ADGRL3: variants seen among roughly 807,000 people sequenced by gnomAD.
The protein encoded by ADGRL3 is adhesion G protein-coupled receptor L3.
In ADGRL3, 62 loss-of-function variants were observed where a neutral mutation model predicts 153.5. The observed-to-expected ratio is 0.40, with a 90% confidence interval of 0.33 to 0.50. The LOEUF (loss-of-function observed/expected upper bound fraction) is 0.50, where lower values mean the gene tolerates loss of function less well. ADGRL3 is among the 20% of genes least tolerant of loss of function. The pLI, the probability that ADGRL3 is intolerant of heterozygous loss-of-function variation, is 0.47. For missense variants in ADGRL3, 1,641 were observed against 1,859.4 expected (o/e 0.88, Z 2.16); for synonymous variants, 710 against 672.5 (o/e 1.06, Z -0.86).
intron 6 of ADGRL3, among the ~76,000 whole-genome samples, chr4:61,707,172 G>A (rs1044024612): frequency 1.5e-4 from 23 of 152,256 alleles, no homozygotes; most frequent in African/African-American, 4.3e-4. Flanking sequence ...GGCATGGTTC[G>A]TGGTCCCCAA....
At chr4:61,664,115 C>CT (rs1378171090) in intron 5 of ADGRL3, among the ~76,000 whole-genome samples, 2 of 152,052 alleles carry the variant, frequency 1.3e-5, no homozygotes, top group African/African-American at 4.8e-5. Flanking sequence ...CACAGTATCC[C>CT]TAAAAAGAGG....
At position 61,772,520 on chromosome 4, in the gene ADGRL3, G is replaced by T. The variant is rs1017429257; in HGVS notation, c.1399+38966G>T. ...TACACGACATGAGAGACTTCCTAAG[G>T]AAATGAAGACCCCCCAAAATGGTTA... On this transcript the variant is annotated intron_variant, in intron 8 of 26. Coordinates refer to ENST00000683033, the MANE Select transcript of ADGRL3 (RefSeq NM_001387552.1). Among the ~76,000 whole-genome samples, 3 of 152,228 alleles carry T rather than the reference G, an allele frequency of 2.0e-5. No individual in the cohort carries two copies. In the East Asian group the frequency reaches 5.8e-4, roughly 29 times the overall value.
chr4:61,337,089 T>C (rs1413411607), intron 1 of ADGRL3, among the ~76,000 whole-genome samples: 1 of 152,018 alleles, frequency 6.6e-6, no homozygotes, highest in Non-Finnish European at 1.5e-5. Context: ...GCCTGGCAGG[T>C]GGCCACATTG....
In ADGRL3 at chr4:61,998,227, T is replaced by C; in HGVS notation, c.3357T>C (p.Ala1119=). Residue 1119 remains alanine, a synonymous_variant, in exon 21 of 27, where the codon GCT becomes GCC. Coordinates refer to ENST00000683033, the MANE Select transcript of ADGRL3 (RefSeq NM_001387552.1). ...IALYKMFHHT[A]ILKPESGCLD... is the part of the protein sequence containing the mutation. ...TATATAAAATGTTTCATCATACTGC[T>C]ATACTGAAACCTGAATCAGGCTGTC... 1 of 1,588,126 alleles carries C rather than the reference T, an allele frequency of 6.3e-7. No individual in the cohort carries two copies. The highest frequency in any genetic ancestry group is 8.6e-7 in the Non-Finnish European group (1 of 1,168,840).
At chr4:61,337,097 T>C (rs2095693960) in intron 1 of ADGRL3, among the ~76,000 whole-genome samples, 1 of 152,034 alleles carries the variant, frequency 6.6e-6, no homozygotes, top group Non-Finnish European at 1.5e-5. Context: ...GGTGGCCACA[T>C]TGATTATTCC....
At chr4:61,473,248 T>A (rs1317894355) in intron 2 of ADGRL3, among the ~76,000 whole-genome samples, 2 of 151,422 alleles carry the variant, frequency 1.3e-5, no homozygotes, top group Non-Finnish European at 3.0e-5. Context: ...TGTGTGGTCT[T>A]TTTTTTAAGT....
intron 5 of ADGRL3, among the ~76,000 whole-genome samples, chr4:61,668,586 G>T (rs923179623): frequency 6.6e-6 from 1 of 152,096 alleles, no homozygotes; most frequent in African/African-American, 2.4e-5. Context: ...ACATATAAAA[G>T]AATATAGGAA....
intron 18 of ADGRL3, among the ~76,000 whole-genome samples, chr4:61,982,789 T>C (rs2099072911): frequency 1.3e-5 from 2 of 152,200 alleles, no homozygotes; most frequent in Admixed American, 1.3e-4. Context: ...TTTTTATTCA[T>C]GTTCACCATG....
chr4:61,734,488 G>T (rs1305991150), intron 8 of ADGRL3, among the ~76,000 whole-genome samples: 2 of 152,148 alleles, frequency 1.3e-5, no homozygotes, highest in African/African-American at 2.4e-5. Flanking sequence ...AAGGCAGCAG[G>T]CAAAAGAGAA....
chr4:61,680,405 CGTGTGTGTGTGT>C (rs3075156), intron 6 of ADGRL3, among the ~76,000 whole-genome samples: 28 of 144,130 alleles, frequency 1.9e-4, no homozygotes, highest in East Asian at 1.5e-3. Context: ...TATACATACT[CGTGTGTGTGTGT>C]GTGTGTGTGT....
At position 61,706,122 on chromosome 4, in the gene ADGRL3, C is replaced by G. The variant is rs1580373558; in HGVS notation, c.584-24500C>G. On this transcript the variant is annotated intron_variant, in intron 6 of 26. Transcript: ENST00000683033. ...GGAAAGTCCTAGATGGTATCTACTTCCAATAAAAGGCTGTTCTGGCCAGGC... is the reference window on the plus strand; with the variant it reads ...GGAAAGTCCTAGATGGTATCTACTTGCAATAAAAGGCTGTTCTGGCCAGGC... Among the ~76,000 whole-genome samples the G allele has an allele frequency of 2.0e-5, 3 of 152,178 alleles. No individual in the cohort carries two copies. The South Asian group carries it at 6.2e-4, about 32-fold the overall frequency.
intron 8 of ADGRL3, among the ~76,000 whole-genome samples, chr4:61,778,322 A>G (rs1418147795): frequency 6.6e-6 from 1 of 152,206 alleles, no homozygotes; most frequent in Non-Finnish European, 1.5e-5. Context: ...AGGAATACTC[A>G]ACCTTTATTT....
intron 21 of ADGRL3, among the ~76,000 whole-genome samples, chr4:62,000,598 A>T (rs2099136762): frequency 1.3e-5 from 2 of 152,106 alleles, no homozygotes; most frequent in Non-Finnish European, 2.9e-5. Context: ...GAAAGTATTT[A>T]ATCTTTCTGT....
intron 17 of ADGRL3, among the ~76,000 whole-genome samples, chr4:61,966,337 CT>C (rs944528982): frequency 5.6e-4 from 85 of 152,104 alleles, no homozygotes; most frequent in African/African-American, 2.0e-3. Flanking sequence ...AAAAAATTAC[CT>C]TCTCCTTTAA....
chr4:61,565,481 G>A (rs11131329), intron 4 of ADGRL3, among the ~76,000 whole-genome samples: 85,272 of 151,856 alleles, frequency 0.56, 24,354 homozygotes, highest in East Asian at 0.7. Context: ...AAACTCAGTG[G>A]GACTTGGATA....
At chr4:61,268,864 C>T (rs2093002454) in intron 1 of ADGRL3, among the ~76,000 whole-genome samples, 1 of 151,382 alleles carries the variant, frequency 6.6e-6, no homozygotes, top group East Asian at 1.9e-4. Flanking sequence ...AAACTAGGGA[C>T]ATTTATGTAT....
chr4:61,324,644 G>A (rs1429742419), intron 1 of ADGRL3, among the ~76,000 whole-genome samples: 2 of 152,052 alleles, frequency 1.3e-5, no homozygotes, highest in Admixed American at 6.6e-5. Context: ...GCCCAATATT[G>A]CACTTATTAG....
At chr4:61,932,289 C>T (rs370400116) in intron 13 of ADGRL3, among the ~76,000 whole-genome samples, 5 of 152,084 alleles carry the variant, frequency 3.3e-5, no homozygotes, top group Non-Finnish European at 5.9e-5. Flanking sequence ...TTCAGGTTTT[C>T]GTTGTGGAGT....
intron 24 of ADGRL3, among the ~76,000 whole-genome samples, chr4:62,041,321 T>G (rs1214082139): frequency 1.3e-5 from 2 of 152,056 alleles, no homozygotes; most frequent in Non-Finnish European, 2.9e-5. Context: ...CAGAAATGGG[T>G]GTAACTTTTT....
Sources: allele counts gnomAD v4.1 joint callset (sites outside exome capture counted in the v4.1 genomes callset), GRCh38; gene constraint gnomAD v4.1.1; transcripts MANE v1.5; gene names NCBI Gene and HGNC (gene_info 2026-07-23, HGNC 2026-07-21).